The following MLST8 variants were observed in gnomAD, a reference collection of about 807,000 sequenced individuals.
MLST8 encodes target of rapamycin complex subunit LST8.
MLST8 carries 20 observed loss-of-function variants against 41.3 expected under a neutral mutation model. That is an observed-to-expected ratio of 0.48 (90% CI 0.34 to 0.70). The LOEUF is 0.70. MLST8 is among the 30% of genes least tolerant of loss of function. The pLI is 0.01. For missense variants in MLST8, 422 were observed against 454.3 expected, an observed-to-expected ratio of 0.93 and a Z score of 0.65; for synonymous variants, 243 against 183.0, an observed-to-expected ratio of 1.33 and a Z score of -2.65.
Position 2,208,808 on chromosome 16 carries a change from C to A in MLST8, c.912C>A (p.Ile304=), listed in dbSNP as rs767600156. Residue 304 remains isoleucine, a synonymous_variant, in exon 9 of 9, where the codon ATC becomes ATA. Coordinates refer to ENST00000569417, the MANE Select transcript of MLST8 (RefSeq NM_022372.6). ...TCTGGTGTGTGGAGACTGGAGAGAT[C>A]AAGAGAGAGTATGGCGGCCACCAGA... is the stretch of plus-strand genomic sequence containing the variant. ...ARLWCVETGE[I]KREYGGHQKA... The A allele has an allele frequency of 7.2e-5, 116 of 1,613,846 alleles. 1 individual carries two copies. In the East Asian group the frequency reaches 2.5e-3, roughly 35 times the overall value.
chr16:2,206,686 C>A (rs768144811), intron 4 of MLST8, 27 bp downstream of exon 4: 6 of 691,248 alleles, frequency 8.7e-6, no homozygotes, highest in Non-Finnish European at 1.5e-5. Flanking sequence ...GCGTGCTGCC[C>A]GGGGCTGGGG....
At chr16:2,205,632 G>A (rs894960735) in intron 1 of MLST8, 120 bp downstream of exon 1, 1 of 968,222 alleles carries the variant, frequency 1.0e-6, no homozygotes, top group Non-Finnish European at 1.2e-6. Context: ...GGGGAGCTCG[G>A]GGGTCCAGCC....
chr16:2,207,936 C>T, intron 6 of MLST8: 1 of 375,978 alleles, frequency 2.7e-6, no homozygotes, highest in South Asian at 5.3e-5. Context: ...GTGCCCTTCT[C>T]CTGTCTACTT....
chr16:2,209,304 A>G lies in MLST8; in HGVS notation c.*427A>G. ...TGCCAGCAGCTGTCCTCCCTGGTGC[A>G]GGTGGCCTGGCCAGCCCACTGGATT... On this transcript the variant is annotated 3_prime_UTR_variant, in exon 9 of 9. Transcript: ENST00000569417. 2 of 1,450,224 alleles carry G rather than the reference A, an allele frequency of 1.4e-6. No individual in the cohort carries two copies. Among genetic ancestry groups the G allele is most frequent in the Non-Finnish European group, 1.9e-6 (2 of 1,041,912 alleles). The allele number at this position is 1,450,224 out of a possible 1,614,324, so 89.8% of individuals were successfully genotyped here.
chr16:2,207,571 G>T, intron 6 of MLST8: 1 of 572,540 alleles, frequency 1.7e-6, no homozygotes, highest in Non-Finnish European at 3.1e-6. Context: ...CTCCCAAGTC[G>T]ATCCACTTCC....
intron 2 of MLST8, 54 bp from the exon 3 acceptor site, chr16:2,206,304 T>TG (rs2093287726): frequency 2.5e-6 from 4 of 1,607,560 alleles, no homozygotes; most frequent in Admixed American, 1.7e-5. Flanking sequence ...GGTGGAGGCC[T>TG]GGGGGGCCCT....
chr16:2,206,849 T>C, intron 4 of MLST8, 186 bp from the exon 5 acceptor site: 1 of 1,022,060 alleles, frequency 9.8e-7, no homozygotes, highest in East Asian at 2.6e-5. Flanking sequence ...CGGAGCCAGC[T>C]TGTTATTCCC....
chr16:2,208,150 C>T (rs940463468), intron 6 of MLST8, 60 bp from the exon 7 acceptor site: 20 of 1,535,598 alleles, frequency 1.3e-5, no homozygotes, highest in Non-Finnish European at 1.8e-5. Context: ...CCAGGGCATC[C>T]TTCCCTGTGT....
intron 3 of MLST8, 33 bp downstream of exon 3, chr16:2,206,442 G>A: frequency 1.2e-6 from 2 of 1,613,978 alleles, no homozygotes; most frequent in Non-Finnish European, 1.7e-6. Flanking sequence ...AAACTCCTGA[G>A]CTCTGGTGGG....
chr16:2,207,218 G>C lies in MLST8; in HGVS notation c.446G>C (p.Ser149Thr). The change falls in exon 6 of 9, where the codon AGC (serine) becomes ACC (threonine). Residue 149 changes from serine (S) to threonine (T), a missense_variant. Ser to Thr is a moderately conservative substitution (Grantham distance 58). Transcript: ENST00000569417. Reference sequence around the variant, plus strand: ...GCAGAGCTCATCGTGGGTGACCAGAGCGGGGCTATCCACATCTGGGACTTG... The same window carrying C: ...GCAGAGCTCATCGTGGGTGACCAGACCGGGGCTATCCACATCTGGGACTTG... ...NQAELIVGDQ[S>T]GAIHIWDLKT... 1 of 1,614,146 alleles carries C rather than the reference G, an allele frequency of 6.2e-7. No individual in the cohort carries two copies. The highest frequency in any genetic ancestry group is 8.5e-7 in the Non-Finnish European group (1 of 1,180,000).
At position 2,206,539 on chromosome 16, in the gene MLST8, C is replaced by A; in HGVS notation, c.224C>A (p.Pro75His). 1 of 1,613,978 alleles carries A rather than the reference C, an allele frequency of 6.2e-7. No individual in the cohort carries two copies. Among genetic ancestry groups the A allele is most frequent in the Non-Finnish European group, 8.5e-7 (1 of 1,179,900 alleles). Residue 75 changes from proline to histidine, a missense_variant, in exon 4 of 9, where the codon CCT becomes CAT. Physicochemically the swap from Pro to His is moderately conservative, Grantham distance 77 (BLOSUM62 -2). Transcript: ENST00000569417. ...ATGTATGATCTCAACTCCAATAACC[C>A]TAACCCCATCATCAGCTACGACGGC... ...IRMYDLNSNNPNPIISYDGVN... is the reference protein window; with the variant it reads ...IRMYDLNSNNHNPIISYDGVN...
At position 2,208,098 on chromosome 16, in the gene MLST8, C is replaced by T. The variant is rs557491054; in HGVS notation, c.574-112C>T. The T allele has an allele frequency of 4.5e-6, 6 of 1,324,160 alleles. No homozygotes were observed. In the South Asian group the frequency reaches 4.5e-5, roughly 10 times the overall value. 82.0% of individuals were successfully genotyped at this position (1,324,160 alleles called of 1,614,324 possible). ...GGACCAGAGGGGCCTGCCTGCCCCT[C>T]ACCCGGGGTCCCCATGCACAGTTGG... On this transcript the variant is annotated intron_variant, in intron 6 of 8. Coordinates refer to ENST00000569417, the MANE Select transcript of MLST8 (RefSeq NM_022372.6).
At position 2,209,045 on chromosome 16, in the gene MLST8, C is replaced by A. The variant is rs573112934; in HGVS notation, c.*168C>A. 3 of 738,750 alleles carry A rather than the reference C, an allele frequency of 4.1e-6. No individual in the cohort carries two copies. The highest frequency in any genetic ancestry group is 3.5e-5 in the African/African-American group (2 of 57,286). 45.8% of individuals were successfully genotyped at this position (738,750 alleles called of 1,614,324 possible). On this transcript the variant is annotated 3_prime_UTR_variant, in exon 9 of 9. Transcript: ENST00000569417. The stretch of plus-strand genomic sequence containing the variant: ...AGGCTGCCCTGGGACTCTCAGCCCC[C>A]AGTTGCTTATCCAGATGTGACAGAG...
chr16:2,209,359 G>T lies in MLST8; in HGVS notation c.*482G>T. The T allele has an allele frequency of 6.2e-7, 1 of 1,609,202 alleles. No individual in the cohort carries two copies. The highest frequency in any genetic ancestry group is 8.5e-7 in the Non-Finnish European group (1 of 1,176,346). ...ACGGGCCAGGCTGGGCCAGGTCGGG[G>T]GCTCAGTCTGGGAGGTAATAAAAGC... On this transcript the variant is annotated 3_prime_UTR_variant, in exon 9 of 9. Transcript: ENST00000569417.
intron 1 of MLST8, 183 bp downstream of exon 1, chr16:2,205,695 G>A (rs1278274606): frequency 2.0e-6 from 2 of 993,972 alleles, no homozygotes; most frequent in Admixed American, 6.1e-5. Context: ...CGCATGCGCA[G>A]CCGCAGCGCT....
intron 1 of MLST8, 80 bp from the exon 2 acceptor site, chr16:2,205,951 C>T: frequency 6.9e-7 from 1 of 1,459,210 alleles, no homozygotes; most frequent in Non-Finnish European, 9.1e-7. Flanking sequence ...ATGATAAGCG[C>T]CATTCGGCAG....
Position 2,208,754 on chromosome 16 carries a change from T to A in MLST8, c.863-5T>A, listed in dbSNP as rs1238189705. 6.2e-7 allele frequency: 1 copy of A among 1,613,682 alleles called. No individual in the cohort carries two copies. The highest frequency in any genetic ancestry group is 2.2e-5 in the East Asian group (1 of 44,868). Reference sequence around the variant, plus strand: ...CTCTTAGCCCTGCACAATCTCCCCCTCCAGCTTCCTCGGACAACCTGGCCC... The same window carrying A: ...CTCTTAGCCCTGCACAATCTCCCCCACCAGCTTCCTCGGACAACCTGGCCC... On this transcript the variant is annotated splice_polypyrimidine_tract_variant and splice_region_variant and intron_variant, in intron 8 of 8. Transcript: ENST00000569417.
At chr16:2,207,905 G>A (rs1596722362) in intron 6 of MLST8, 1 of 312,878 alleles carries the variant, frequency 3.2e-6, no homozygotes, top group Non-Finnish European at 5.9e-6. Context: ...GCTGGCCTTT[G>A]TCATGCTGTC....
At position 2,209,140 on chromosome 16, in the gene MLST8, G is replaced by T; in HGVS notation, c.*263G>T. 1.6e-6 allele frequency: 1 copy of T among 639,794 alleles called. No individual in the cohort carries two copies. The allele number at this position is 639,794 out of a possible 1,614,324, so 39.6% of individuals were successfully genotyped here. A position where few individuals can be genotyped will look rare whatever the true frequency, so the allele number is the denominator to read the frequency against. ...CACTGCCTGGGAAAGTCGGCCGAGG[G>T]CCCAAAGCTGCTGAGGGGTCTGAGG... On this transcript the variant is annotated 3_prime_UTR_variant, in exon 9 of 9. Coordinates refer to ENST00000569417, the MANE Select transcript of MLST8 (RefSeq NM_022372.6).
Sources: gnomAD v4.1 joint callset for allele counts on GRCh38, gnomAD v4.1.1 for gene constraint, MANE v1.5 for transcripts, NCBI Gene and HGNC (gene_info 2026-07-23, HGNC 2026-07-21) for gene names.